Variants in NME8 observed in about 807,000 individuals in gnomAD.
The protein encoded by NME8 is protein NME8.
NME8 carries 72 observed loss-of-function variants against 82.3 expected under a neutral mutation model. The ratio of observed to expected loss-of-function variants is 0.87; its 90% CI spans 0.72 to 1.06. The LOEUF (loss-of-function observed/expected upper bound fraction) is 1.06, where lower values mean the gene tolerates loss of function less well. NME8 is among the 50% of genes least tolerant of loss of function. The pLI is 0.00. For missense variants in NME8, 712 were observed against 685.4 expected, an observed-to-expected ratio of 1.04 and a Z score of -0.43; for synonymous variants, 267 against 228.5, an observed-to-expected ratio of 1.17 and a Z score of -1.52.
chr7:37,870,796 T>C (rs1489738397), intron 11 of NME8, among the ~76,000 whole-genome samples: 3 of 152,082 alleles, frequency 2.0e-5, no homozygotes, highest in Admixed American at 6.5e-5. Flanking sequence ...ATATACTTTT[T>C]GTCTGTTGAT....
At chr7:37,862,839 G>T (rs1384330835) in intron 7 of NME8, among the ~76,000 whole-genome samples, 1 of 151,930 alleles carries the variant, frequency 6.6e-6, no homozygotes, top group Non-Finnish European at 1.5e-5. Flanking sequence ...TTAAGGTTTG[G>T]CTGGGTGCGG....
rs1784422446 is a variant in NME8, at chr7:37,850,433, C to G, written c.89C>G (p.Thr30Arg). 6.2e-7 allele frequency: 1 copy of G among 1,613,952 alleles called. No homozygotes were observed. Among genetic ancestry groups the G allele is most frequent in the African/African-American group, 1.3e-5 (1 of 74,920 alleles). The change falls in exon 4 of 18, where the codon ACA becomes AGA. Residue 30 changes from threonine to arginine, a missense_variant and splice_region_variant. Physicochemically the swap from Thr to Arg is moderately conservative, Grantham distance 71. Transcript: ENST00000199447. ...WDEMLQNKGL[T>R]VIDVYQAWCG... ...GAGATGTTGCAGAACAAAGGCTTAA[C>G]AGGTATAAGGACTCCCCGGCTGTCT...
rs746254832 is a variant in NME8, at chr7:37,888,477, G to C, written c.1399+49G>C. The C allele has an allele frequency of 1.4e-5, 22 of 1,552,450 alleles. No homozygotes were observed. In the South Asian group the frequency reaches 2.1e-4, roughly 15 times the overall value. On this transcript the variant is annotated intron_variant, in intron 15 of 17. Coordinates refer to ENST00000199447, the MANE Select transcript of NME8 (RefSeq NM_016616.5). ...AATGTATACATTTTCTCCAAATTTT[G>C]TGAACATTTAAAAAATTTACAATCA...
chr7:37,892,832 A>G (rs1239815199), intron 15 of NME8, among the ~76,000 whole-genome samples: 3 of 151,800 alleles, frequency 2.0e-5, no homozygotes, highest in African/African-American at 7.3e-5. Flanking sequence ...TGCTTAATTC[A>G]CATTAGGGTG....
rs781738300 is a variant in NME8 at position 37,862,098 on chromosome 7, T to C, written c.341T>C (p.Ile114Thr). The change falls in exon 7 of 18, where the codon ATC becomes ACC. Residue 114 changes from isoleucine to threonine, a missense_variant. Physicochemically the swap from Ile to Thr is moderately conservative, Grantham distance 89. Transcript: ENST00000199447. The part of the protein sequence containing the change: ...PLVNKKVINL[I>T]DEERKIAAGE... ...GTTAATAAAAAAGTTATTAATTTGA[T>C]CGATGAGGAGAGAAAAATTGCAGCA... The C allele has an allele frequency of 1.5e-5, 25 of 1,613,660 alleles. No homozygotes were observed. Among genetic ancestry groups the C allele is most frequent in the Non-Finnish European group, 1.9e-5 (22 of 1,179,754 alleles).
In NME8 at chr7:37,881,087, T is replaced by C. The variant is rs576398669; in HGVS notation, c.995-3216T>C. On this transcript the variant is annotated intron_variant, in intron 12 of 17. Coordinates refer to ENST00000199447, the MANE Select transcript of NME8 (RefSeq NM_016616.5). Reference sequence around the variant, plus strand: ...TTGGGATTTTCTACATAGACAGTCATGCCCTCTGTGAAGAACAACAATAGT... The same window carrying C: ...TTGGGATTTTCTACATAGACAGTCACGCCCTCTGTGAAGAACAACAATAGT... 8.5e-5 allele frequency among the ~76,000 whole-genome samples: 13 copies of C among 152,292 alleles called. 1 individual carries two copies. The South Asian group carries it at 2.7e-3, about 32-fold the overall frequency.
At chr7:37,862,643 A>AT (rs1391652391) in intron 7 of NME8, among the ~76,000 whole-genome samples, 2 of 25,534 alleles carry the variant, frequency 7.8e-5, no homozygotes, top group Non-Finnish European at 2.4e-4. Flanking sequence ...GGTTTGAGAA[A>AT]TATTTTTTTT....
rs896235808 is a variant in NME8 at position 37,885,400 on chromosome 7, A to G, written c.1247+148A>G. The G allele has an allele frequency of 9.3e-5, 63 of 678,984 alleles. No homozygotes were observed. The African/African-American group carries it at 9.7e-4, about 10-fold the overall frequency. 42.1% of individuals were successfully genotyped at this position (678,984 alleles called of 1,614,324 possible). A position where few individuals can be genotyped will look rare whatever the true frequency, so the allele number is the denominator to read the frequency against. On this transcript the variant is annotated intron_variant, in intron 14 of 17. Transcript: ENST00000199447. ...CTGGGGACGGAGTGGACTGCTTATG[A>G]CTGGAGGTCCAACCCAGTGACAGCC... is the stretch of plus-strand genomic sequence containing the variant.
chr7:37,882,617 A>AGAG (rs1562838383), intron 12 of NME8, among the ~76,000 whole-genome samples: 8 of 42,888 alleles, frequency 1.9e-4, no homozygotes, highest in Admixed American at 4.7e-4. Flanking sequence ...GAGAGAGAGA[A>AGAG]AGAAAGAAAG....
intron 16 of NME8, 135 bp downstream of exon 16, chr7:37,894,745 G>A (rs1435122843): frequency 1.2e-5 from 11 of 927,618 alleles, no homozygotes; most frequent in Non-Finnish European, 1.4e-5. Flanking sequence ...TAACATTCAT[G>A]GTTCATCTTT....
intron 12 of NME8, among the ~76,000 whole-genome samples, chr7:37,884,083 A>G (rs1456550472): frequency 1.3e-5 from 2 of 152,146 alleles, no homozygotes; most frequent in Admixed American, 6.5e-5. Flanking sequence ...GTGTGCATGC[A>G]TGATTCCTAT....
chr7:37,864,387 T>C lies in NME8; in HGVS notation c.494T>C (p.Val165Ala), dbSNP rs750678432. ...ATTGCTATTATCAAACCGGATGCTG[T>C]GATTAGTAAAAAAGTTCTAGAAATT... is the stretch of plus-strand genomic sequence containing the variant. Reference protein sequence around the residue: ...YSIAIIKPDAVISKKVLEIKR... With the variant: ...YSIAIIKPDAAISKKVLEIKR... The change falls in exon 9 of 18, where the codon GTG (valine) becomes GCG (alanine). Residue 165 changes from valine (V) to alanine (A), a missense_variant. Coordinates refer to ENST00000199447, the MANE Select transcript of NME8 (RefSeq NM_016616.5). 1 of 1,589,954 alleles carries C rather than the reference T, an allele frequency of 6.3e-7. No homozygotes were observed. Among genetic ancestry groups the C allele is most frequent in the Admixed American group, 1.7e-5 (1 of 59,294 alleles).
intron 11 of NME8, among the ~76,000 whole-genome samples, chr7:37,869,756 C>CA (rs1242385119): frequency 6.6e-6 from 1 of 152,182 alleles, no homozygotes; most frequent in East Asian, 1.9e-4. Flanking sequence ...CTGGCCACAG[C>CA]AGACAGCATG....
chr7:37,858,053 T>A (rs923912737), intron 6 of NME8, among the ~76,000 whole-genome samples: 1 of 151,858 alleles, frequency 6.6e-6, no homozygotes, highest in African/African-American at 2.4e-5. Context: ...TAAGTAATAA[T>A]AAAATAAATA....
At chr7:37,886,222 A>G (rs1336076525) in intron 14 of NME8, among the ~76,000 whole-genome samples, 2 of 152,214 alleles carry the variant, frequency 1.3e-5, no homozygotes, top group Admixed American at 6.5e-5. Flanking sequence ...CCATGGAATC[A>G]TTTAATAAAA....
intron 15 of NME8, among the ~76,000 whole-genome samples, chr7:37,891,899 G>A (rs1034965171): frequency 1.3e-5 from 2 of 151,844 alleles, no homozygotes; most frequent in Non-Finnish European, 2.9e-5. Flanking sequence ...TGACAGTTAG[G>A]TACTTAATCT....
intron 6 of NME8, among the ~76,000 whole-genome samples, chr7:37,859,991 G>A (rs919209566): frequency 2.6e-5 from 4 of 152,132 alleles, no homozygotes; most frequent in African/African-American, 9.7e-5. Context: ...GTACGGGTCA[G>A]CATTTTTAGC....
Position 37,867,634 on chromosome 7 carries a change from A to G in NME8, c.622-68A>G, listed in dbSNP as rs1784706694. ...AGGGAAGATTTCATTTGACTTGGGT[A>G]GTGACCACCATTTTAGTCCATCCAT... is the stretch of plus-strand genomic sequence containing the variant. On this transcript the variant is annotated intron_variant, in intron 10 of 17. Transcript: ENST00000199447. The G allele has an allele frequency of 3.5e-6, 4 of 1,154,738 alleles. No homozygotes were observed. In the African/African-American group the frequency reaches 4.6e-5, roughly 13 times the overall value. The allele number at this position is 1,154,738 out of a possible 1,614,324, so 71.5% of individuals were successfully genotyped here.
intron 12 of NME8, among the ~76,000 whole-genome samples, chr7:37,882,993 C>T (rs754197984): frequency 2.0e-5 from 3 of 152,098 alleles, no homozygotes; most frequent in Non-Finnish European, 4.4e-5. Context: ...ATCCGTTGGA[C>T]GGTGAGGACC....
Sources: allele counts gnomAD v4.1 joint callset (sites outside exome capture counted in the v4.1 genomes callset), GRCh38; gene constraint gnomAD v4.1.1; transcripts MANE v1.5; gene names NCBI Gene and HGNC (gene_info 2026-07-23, HGNC 2026-07-21).